Variants in NBEA observed in about 807,000 individuals in gnomAD.
NBEA encodes neurobeachin.
A neutral mutation model predicts 343.4 loss-of-function variants in NBEA; 44 were observed. The ratio of observed to expected loss-of-function variants is 0.13; its 90% CI spans 0.10 to 0.16. The LOEUF is 0.16. Among genes scored for constraint, NBEA ranks in the 10% least tolerant of loss-of-function variants. NBEA has a pLI of 1.00. For missense variants in NBEA, 2,555 were observed against 3,631.3 expected, an observed-to-expected ratio of 0.70 and a Z score of 7.62; for synonymous variants, 1,175 against 1,238.7, an observed-to-expected ratio of 0.95 and a Z score of 1.08.
chr13:35,440,077 A>G (rs1483207820), intron 39 of NBEA, among the ~76,000 whole-genome samples: 3 of 152,146 alleles, frequency 2.0e-5, no homozygotes, highest in South Asian at 2.1e-4. Context: ...ACAGGGTTTC[A>G]CCATGTTGGC....
intron 17 of NBEA, among the ~76,000 whole-genome samples, chr13:35,126,709 G>A (rs1484004990): frequency 6.6e-6 from 1 of 152,112 alleles, no homozygotes; most frequent in Non-Finnish European, 1.5e-5. Flanking sequence ...AACGAGGTCA[G>A]CAGTTTGAGA....
intron 24 of NBEA, among the ~76,000 whole-genome samples, chr13:35,168,082 A>G (rs2070176248): frequency 6.6e-6 from 1 of 151,768 alleles, no homozygotes; most frequent in Non-Finnish European, 1.5e-5. Context: ...ATGTATCATA[A>G]ATAGATTTGG....
intron 41 of NBEA, chr13:35,476,378 G>T: frequency 1.7e-6 from 2 of 1,154,378 alleles, no homozygotes; most frequent in Admixed American, 2.0e-5. Context: ...TTATCTTTGA[G>T]CCCAGCCGTT....
intron 1 of NBEA, among the ~76,000 whole-genome samples, chr13:34,943,505 G>T (rs192875813): frequency 1.3e-5 from 2 of 152,232 alleles, no homozygotes; most frequent in Non-Finnish European, 1.5e-5. Flanking sequence ...GTCGCTCTCC[G>T]AGGATGACAG....
intron 45 of NBEA, among the ~76,000 whole-genome samples, chr13:35,573,571 A>T (rs777172553): frequency 4.6e-5 from 7 of 152,186 alleles, no homozygotes; most frequent in Non-Finnish European, 1.0e-4. Context: ...GAACTTCCAA[A>T]GCAGTCCTAG....
intron 34 of NBEA, among the ~76,000 whole-genome samples, chr13:35,244,270 TA>T (rs908914320): frequency 5.3e-5 from 8 of 151,868 alleles, no homozygotes; most frequent in South Asian, 2.1e-4. Flanking sequence ...ACTCACCTTA[TA>T]AAAAAATCAA....
intron 1 of NBEA, among the ~76,000 whole-genome samples, chr13:35,033,195 AG>A (rs954918275): frequency 6.6e-6 from 1 of 151,892 alleles, no homozygotes; most frequent in African/African-American, 2.4e-5. Context: ...CATGAGAGAT[AG>A]GGGTTTAGTT....
At chr13:35,255,582 T>A (rs1299762880) in intron 34 of NBEA, among the ~76,000 whole-genome samples, 1 of 152,166 alleles carries the variant, frequency 6.6e-6, no homozygotes, top group Non-Finnish European at 1.5e-5. Flanking sequence ...CTAGATCAGG[T>A]GCATCATACG....
intron 34 of NBEA, among the ~76,000 whole-genome samples, chr13:35,253,370 T>A (rs1484191989): frequency 6.6e-6 from 1 of 152,222 alleles, no homozygotes; most frequent in Non-Finnish European, 1.5e-5. Context: ...GGTATATTTT[T>A]AAATTAAGGT....
intron 40 of NBEA, among the ~76,000 whole-genome samples, chr13:35,462,058 G>A (rs527325141): frequency 4.6e-5 from 7 of 152,202 alleles, no homozygotes; most frequent in African/African-American, 1.7e-4. Context: ...ACAAAGTAGG[G>A]ACAAGACCTG....
chr13:35,442,085 A>T (rs1356083772), intron 39 of NBEA, among the ~76,000 whole-genome samples: 1 of 152,022 alleles, frequency 6.6e-6, no homozygotes, highest in East Asian at 1.9e-4. Context: ...ACATATGCTC[A>T]TTATAGGAAA....
intron 36 of NBEA, among the ~76,000 whole-genome samples, chr13:35,336,406 T>C (rs944352146): frequency 6.6e-6 from 1 of 152,102 alleles, no homozygotes; most frequent in Non-Finnish European, 1.5e-5. Flanking sequence ...CAAAGAGATA[T>C]GCTTATACAC....
At chr13:35,326,461 G>C (rs866487517) in intron 36 of NBEA, among the ~76,000 whole-genome samples, 1 of 152,014 alleles carries the variant, frequency 6.6e-6, no homozygotes, top group Non-Finnish European at 1.5e-5. Flanking sequence ...GTGTAGAAAT[G>C]CTACTGATTT....
chr13:35,287,709 A>T (rs115267329), intron 34 of NBEA, among the ~76,000 whole-genome samples: 1 of 152,006 alleles, frequency 6.6e-6, no homozygotes. Flanking sequence ...CTCATAATCA[A>T]ATATTGCCAT....
At chr13:35,281,397 T>A (rs74048973) in intron 34 of NBEA, among the ~76,000 whole-genome samples, 5,703 of 152,224 alleles carry the variant, frequency 0.037, 124 homozygotes, top group South Asian at 0.078. Context: ...TAAGGAACTT[T>A]GTGAAGTTTA....
At chr13:35,108,214 T>C (rs1389863043) in intron 11 of NBEA, among the ~76,000 whole-genome samples, 1 of 152,036 alleles carries the variant, frequency 6.6e-6, no homozygotes, top group Non-Finnish European at 1.5e-5. Context: ...GATTGAGTGA[T>C]AGGTGATTCT....
At chr13:35,036,260 C>T (rs2062437940) in intron 1 of NBEA, among the ~76,000 whole-genome samples, 1 of 151,996 alleles carries the variant, frequency 6.6e-6, no homozygotes, top group South Asian at 2.1e-4. Flanking sequence ...CATAAGCAAA[C>T]AAACAAGCAA....
At chr13:35,111,413 A>G (rs1254165540) in intron 13 of NBEA, among the ~76,000 whole-genome samples, 2 of 151,808 alleles carry the variant, frequency 1.3e-5, no homozygotes, top group Non-Finnish European at 2.9e-5. Flanking sequence ...TTGAAAATAT[A>G]GCCAGTTTTT....
Position 35,645,894 on chromosome 13 carries a change from A to AC in NBEA, c.7648dup (p.His2550ProfsTer11). 6.3e-7 allele frequency: 1 copy of AC among 1,577,568 alleles called. No homozygotes were observed. ...ATTCCAGAAGCTTATTTCATTAGAGACCCCCACACTTTCCTTCTTACAAAG... is the reference window on the plus strand; with the variant it reads ...ATTCCAGAAGCTTATTTCATTAGAGACCCCCCACACTTTCCTTCTTACAAAG... On this transcript the variant is annotated frameshift_variant, in exon 50 of 59. Coordinates refer to ENST00000379939, the MANE Select transcript of NBEA (RefSeq NM_001385012.1). LOFTEE classifies it high-confidence loss of function.
Sources: allele counts gnomAD v4.1 joint callset (sites outside exome capture counted in the v4.1 genomes callset), GRCh38; gene constraint gnomAD v4.1.1; transcripts MANE v1.5; gene names NCBI Gene and HGNC (gene_info 2026-07-23, HGNC 2026-07-21).